ZNF827: variants seen among roughly 807,000 people sequenced by gnomAD.
The protein encoded by ZNF827 is zinc finger protein 827.
Under a neutral mutation model 102.4 loss-of-function variants are expected in ZNF827, and 13 were observed. The ratio of observed to expected loss-of-function variants is 0.13; its 90% CI spans 0.08 to 0.20. ZNF827 has a LOEUF of 0.20. Ranked by LOEUF, ZNF827 falls within the 10% of genes least tolerant of loss-of-function variation. The pLI, the probability that ZNF827 is intolerant of heterozygous loss-of-function variation, is 1.00. For synonymous variants in ZNF827, 523 were observed against 536.2 expected (o/e 0.98, Z 0.34); for missense variants, 1,103 against 1,344.4 (o/e 0.82, Z 2.81).
chr4:145,931,907 G>A (rs1346070893), intron 1 of ZNF827, among the ~76,000 whole-genome samples: 1 of 152,184 alleles, frequency 6.6e-6, no homozygotes, highest in Non-Finnish European at 1.5e-5. Flanking sequence ...CTGAATGTTG[G>A]TGTCCCCCCC....
At chr4:145,845,377 A>G (rs1745831717) in intron 7 of ZNF827, among the ~76,000 whole-genome samples, 1 of 152,238 alleles carries the variant, frequency 6.6e-6, no homozygotes, top group Non-Finnish European at 1.5e-5. Flanking sequence ...TGGCAAGTGA[A>G]AAAACTTCCT....
At chr4:145,899,528 T>C (rs1474680731) in intron 2 of ZNF827, among the ~76,000 whole-genome samples, 3 of 152,220 alleles carry the variant, frequency 2.0e-5, no homozygotes. Context: ...ACATTCACTT[T>C]AACTGAAAAG....
Position 145,902,898 on chromosome 4 carries a change from T to C in ZNF827, c.361A>G (p.Ser121Gly), listed in dbSNP as rs1751541651. 1 of 1,614,032 alleles carries C rather than the reference T, an allele frequency of 6.2e-7. No homozygotes were observed. Among genetic ancestry groups the C allele is most frequent in the South Asian group, 1.1e-5 (1 of 91,076 alleles). Residue 121 changes from serine to glycine, a missense_variant, in exon 2 of 15, where the codon AGC becomes GGC. By Grantham distance (56) the Ser-to-Gly change is moderately conservative (BLOSUM62 0). Coordinates refer to ENST00000508784, the MANE Select transcript of ZNF827 (RefSeq NM_001306215.2). This position sits in a 1 kb window ranked among gnomAD's most constrained non-coding sequence, Gnocchi z 4.3. Reference protein sequence around the residue: ...DDPGSNKPLSSNLRRLLEAGS... With the variant: ...DDPGSNKPLSGNLRRLLEAGS... Reference sequence around the variant, plus strand: ...GCCTCCAGCAGCCGCCTCAAATTGCTGCTCAGGGGCTTGTTGGAGCCTGGG... The same window carrying C: ...GCCTCCAGCAGCCGCCTCAAATTGCCGCTCAGGGGCTTGTTGGAGCCTGGG...
chr4:145,902,709 T>G lies in ZNF827; in HGVS notation c.550A>C (p.Thr184Pro), dbSNP rs1164422372. The change falls in exon 2 of 15, where the codon ACT becomes CCT. Residue 184 changes from threonine (T) to proline (P), a missense_variant. Thr to Pro is a conservative substitution (Grantham distance 38, BLOSUM62 -1). Coordinates refer to ENST00000508784, the MANE Select transcript of ZNF827 (RefSeq NM_001306215.2). The surrounding 1 kb of genome is among the most constrained non-coding windows in gnomAD (Gnocchi z 4.3). ...TTCCATATAAAACGGTTACTTGGAG[T>G]GTATTGGTCATTCTGTTCCTGCTTC... The part of the protein sequence containing the change: ...AEKQEQNDQY[T>P]PSNRFIWNQG... The G allele has an allele frequency of 1.2e-6, 2 of 1,613,560 alleles. No homozygotes were observed. Among genetic ancestry groups the G allele is most frequent in the Non-Finnish European group, 1.7e-6 (2 of 1,179,954 alleles).
rs1448866275 is a variant in ZNF827 at position 145,761,106 on chromosome 4, C to G, written c.*510G>C. ...GGGGAGACAGGAGATTCCGGGAGCT[C>G]CCGACCACCAGGAGCGGGGCCCCCG... On this transcript the variant is annotated 3_prime_UTR_variant, in exon 15 of 15. Transcript: ENST00000508784. The surrounding 1 kb of genome is among the most constrained non-coding windows in gnomAD (Gnocchi z 6.8). 8.5e-6 allele frequency: 11 copies of G among 1,289,468 alleles called. No individual in the cohort carries two copies. Among genetic ancestry groups the G allele is most frequent in the Non-Finnish European group, 1.1e-5 (11 of 988,728 alleles). The allele number at this position is 1,289,468 out of a possible 1,614,324, so 79.9% of individuals were successfully genotyped here.
chr4:145,904,983 G>C (rs536579586), intron 1 of ZNF827, among the ~76,000 whole-genome samples: 4 of 152,198 alleles, frequency 2.6e-5, no homozygotes, highest in African/African-American at 7.2e-5. Flanking sequence ...GATTATGAAG[G>C]CTCAGCTCAG....
At chr4:145,853,025 C>T (rs533007669) in intron 5 of ZNF827, among the ~76,000 whole-genome samples, 4 of 152,352 alleles carry the variant, frequency 2.6e-5, no homozygotes, top group Admixed American at 6.5e-5. Flanking sequence ...TTGAAAACCA[C>T]GGCTCTAAAG....
At chr4:145,790,183 T>C (rs763443110) in intron 8 of ZNF827, among the ~76,000 whole-genome samples, 1 of 152,198 alleles carries the variant, frequency 6.6e-6, no homozygotes, top group Non-Finnish European at 1.5e-5. Flanking sequence ...TTATCTTCTA[T>C]AATTTACTAT....
intron 5 of ZNF827, among the ~76,000 whole-genome samples, chr4:145,862,253 C>T (rs1747802328): frequency 6.6e-6 from 1 of 152,232 alleles, no homozygotes; most frequent in African/African-American, 2.4e-5. Context: ...CCAGGGCTGG[C>T]TGCATCCAGC....
intron 1 of ZNF827, among the ~76,000 whole-genome samples, chr4:145,938,122 A>AGGG (rs1272065386): frequency 8.9e-5 from 13 of 145,394 alleles, no homozygotes; most frequent in African/African-American, 1.8e-4. Flanking sequence ...AAGGAAAAAA[A>AGGG]GGGGGGGGGT....
intron 2 of ZNF827, among the ~76,000 whole-genome samples, chr4:145,899,563 T>C (rs998965724): frequency 1.3e-5 from 2 of 152,232 alleles, no homozygotes; most frequent in Non-Finnish European, 2.9e-5. Context: ...CTCTTCTGTT[T>C]CCAAGCCATG....
intron 4 of ZNF827, among the ~76,000 whole-genome samples, chr4:145,882,009 A>G (rs1256527513): frequency 1.3e-5 from 2 of 152,224 alleles, no homozygotes; most frequent in African/African-American, 2.4e-5. Context: ...CCAGTGAATC[A>G]TAATTTCTGG....
intron 7 of ZNF827, among the ~76,000 whole-genome samples, chr4:145,838,275 A>G (rs1032740871): frequency 3.4e-4 from 51 of 150,244 alleles, no homozygotes; most frequent in African/African-American, 1.3e-3. Flanking sequence ...ATCCTGGCTC[A>G]AAAGCACCCC....
intron 1 of ZNF827, among the ~76,000 whole-genome samples, chr4:145,923,533 C>T (rs575829833): frequency 6.6e-5 from 10 of 151,868 alleles, no homozygotes; most frequent in African/African-American, 1.2e-4. Context: ...GCAGGAGAAC[C>T]GCTTGAACCC....
intron 11 of ZNF827, among the ~76,000 whole-genome samples, chr4:145,771,474 G>C (rs1736272544): frequency 6.6e-6 from 1 of 152,226 alleles, no homozygotes; most frequent in Admixed American, 6.5e-5. Context: ...TAGCCATTCA[G>C]ATTCCTCAAT....
chr4:145,811,632 C>G (rs539725497), intron 8 of ZNF827, among the ~76,000 whole-genome samples: 2 of 152,106 alleles, frequency 1.3e-5, no homozygotes, highest in Admixed American at 6.6e-5. Flanking sequence ...GGAAAAACCA[C>G]GCACAATTTT....
intron 8 of ZNF827, among the ~76,000 whole-genome samples, chr4:145,814,769 C>CAAAA (rs773438540): frequency 1.3e-5 from 1 of 74,358 alleles, no homozygotes; most frequent in Non-Finnish European, 3.0e-5. Flanking sequence ...ACTAAAAATA[C>CAAAA]AAAAAAAAAA....
intron 1 of ZNF827, among the ~76,000 whole-genome samples, chr4:145,920,217 G>C (rs1279289457): frequency 1.3e-5 from 2 of 152,170 alleles, no homozygotes; most frequent in Non-Finnish European, 2.9e-5. Flanking sequence ...TTGTTACCCA[G>C]CTCTATATCA....
At chr4:145,860,266 CTT>C (rs1747569289) in intron 5 of ZNF827, among the ~76,000 whole-genome samples, 1 of 152,116 alleles carries the variant, frequency 6.6e-6, no homozygotes, top group South Asian at 2.1e-4. Flanking sequence ...CTCTTTTCCT[CTT>C]GAGGGGAGGG....
Sources: allele counts gnomAD v4.1 joint callset (sites outside exome capture counted in the v4.1 genomes callset), GRCh38; gene constraint gnomAD v4.1.1; non-coding constraint Gnocchi (gnomAD v3.1); transcripts MANE v1.5; gene names NCBI Gene and HGNC (gene_info 2026-07-23, HGNC 2026-07-21).